PAM: variants seen among roughly 807,000 people sequenced by gnomAD.
The protein encoded by PAM is peptidylglycine alpha-amidating monooxygenase.
Under a neutral mutation model 122.1 loss-of-function variants are expected in PAM, and 72 were observed. That is an observed-to-expected ratio of 0.59 (90% CI 0.49 to 0.72). PAM has a LOEUF of 0.72. PAM is among the 30% of genes least tolerant of loss of function. The pLI, the probability that PAM is intolerant of heterozygous loss-of-function variation, is 0.00. For missense variants in PAM, 1,106 were observed against 1,183.7 expected, an observed-to-expected ratio of 0.93 and a Z score of 0.96; for synonymous variants, 389 against 404.4, an observed-to-expected ratio of 0.96 and a Z score of 0.46.
At chr5:102,778,686 G>C (rs1353739038) in intron 1 of PAM, among the ~76,000 whole-genome samples, 1 of 152,134 alleles carries the variant, frequency 6.6e-6, no homozygotes, top group Non-Finnish European at 1.5e-5. Flanking sequence ...TCTGAAATGA[G>C]TCATTTTTAT....
At position 102,923,774 on chromosome 5, in the gene PAM, C is replaced by T. The variant is rs539298914; in HGVS notation, c.357-1183C>T. On this transcript the variant is annotated intron_variant, in intron 5 of 25. Transcript: ENST00000438793. The stretch of plus-strand genomic sequence containing the variant: ...CTGGGCCTTTGAGGGCTTATAAACA[C>T]GCCCAAGATACAGAGCTGCTAAGGG... 7.9e-5 allele frequency among the ~76,000 whole-genome samples: 12 copies of T among 152,236 alleles called. No individual in the cohort carries two copies. In the South Asian group the frequency reaches 2.1e-3, roughly 26 times the overall value.
At chr5:102,956,432 T>C (rs2150161719) in intron 12 of PAM, among the ~76,000 whole-genome samples, 1 of 152,282 alleles carries the variant, frequency 6.6e-6, no homozygotes, top group South Asian at 2.1e-4. Flanking sequence ...TGTTTTTATT[T>C]TTATTTTCTC....
At chr5:102,860,917 G>A (rs1191660524) in intron 1 of PAM, among the ~76,000 whole-genome samples, 3 of 152,072 alleles carry the variant, frequency 2.0e-5, no homozygotes, top group Non-Finnish European at 2.9e-5. Flanking sequence ...TGCCCTGGGT[G>A]GTCTTCTCCT....
rs75978220 is a variant in PAM, at chr5:102,781,522, A to C, written c.-374+26174A>C. Reference sequence around the variant, plus strand: ...AATGCTAAAGTGCAGTTCACAGTTTAGTTGTGAATCAGGACTTTAATGCAT... The same window carrying C: ...AATGCTAAAGTGCAGTTCACAGTTTCGTTGTGAATCAGGACTTTAATGCAT... On this transcript the variant is annotated intron_variant, in intron 1 of 25. Coordinates refer to ENST00000438793, the MANE Select transcript of PAM (RefSeq NM_001177306.2). Among the ~76,000 whole-genome samples, 1,512 of 152,336 alleles carry C rather than the reference A, an allele frequency of 9.9e-3. 42 individuals carry two copies. Among genetic ancestry groups the C allele is most frequent in the South Asian group, 0.092 (446 of 4,826 alleles).
chr5:103,030,403 C>G (rs781068025), downstream of PAM: 1 of 152,196 alleles, frequency 6.6e-6, no homozygotes, highest in Non-Finnish European at 1.5e-5. Flanking sequence ...TGATAGGAAT[C>G]TAAAACTCTT....
chr5:102,941,039 G>T (rs948342388), intron 7 of PAM, among the ~76,000 whole-genome samples: 2 of 152,142 alleles, frequency 1.3e-5, no homozygotes, highest in African/African-American at 4.8e-5. Context: ...TCTGGAGCAG[G>T]TTCATAATTT....
chr5:102,974,594 T>C, intron 15 of PAM, 158 bp downstream of exon 15: 1 of 532,232 alleles, frequency 1.9e-6, no homozygotes, highest in Non-Finnish European at 3.3e-6. Flanking sequence ...TCAGATAACA[T>C]CTTTGAAGAT....
chr5:102,866,652 A>G (rs1044253760), intron 2 of PAM: 2 of 204,574 alleles, frequency 9.8e-6, no homozygotes. Flanking sequence ...CATAGACTGT[A>G]ATAGCTCACA....
At position 102,913,952 on chromosome 5, in the gene PAM, C is replaced by G. The variant is rs780661071; in HGVS notation, c.287C>G (p.Ala96Gly). The change falls in exon 5 of 26, where the codon GCC becomes GGC. Residue 96 changes from alanine to glycine, a missense_variant. Around this residue, in one of 3 missense-constraint regions of PAM, gnomAD observed 670 missense variants for 690.3 expected, o/e 0.97. Coordinates refer to ENST00000438793, the MANE Select transcript of PAM (RefSeq NM_001177306.2). The stretch of plus-strand genomic sequence containing the variant: ...GTAACAGTTGACTTCAAGCCTCGAG[C>G]CAGCATGGATACTGTCCATCACATG... ...EAFVIDFKPR[A>G]SMDTVHHMLL... 1.2e-6 allele frequency: 2 copies of G among 1,603,944 alleles called. No homozygotes were observed. The highest frequency in any genetic ancestry group is 8.5e-7 in the Non-Finnish European group (1 of 1,171,080).
At chr5:103,001,476 G>T (rs1485659374) in intron 16 of PAM, among the ~76,000 whole-genome samples, 1 of 151,884 alleles carries the variant, frequency 6.6e-6, no homozygotes, top group African/African-American at 2.4e-5. Flanking sequence ...TTTTTTTCTA[G>T]ATACCACTGT....
At chr5:102,995,245 A>G (rs1456156024) in intron 16 of PAM, among the ~76,000 whole-genome samples, 1 of 152,130 alleles carries the variant, frequency 6.6e-6, no homozygotes, top group Non-Finnish European at 1.5e-5. Context: ...GGAAAACTAT[A>G]AGGGGTTCTA....
rs1255863419 is a variant in PAM, at chr5:102,887,928, A to C, written c.211-13428A>C. Among the ~76,000 whole-genome samples, 3 of 151,844 alleles carry C rather than the reference A, an allele frequency of 2.0e-5. No individual in the cohort carries two copies. The East Asian group carries it at 5.9e-4, about 30-fold the overall frequency. On this transcript the variant is annotated intron_variant, in intron 3 of 25. Coordinates refer to ENST00000438793, the MANE Select transcript of PAM (RefSeq NM_001177306.2). Reference sequence around the variant, plus strand: ...TTCCTGACCACCTCCAATTCCCCCTATTCCTCCTGTTCCCCGCATCCTCCA... The same window carrying C: ...TTCCTGACCACCTCCAATTCCCCCTCTTCCTCCTGTTCCCCGCATCCTCCA...
chr5:102,755,125 C>A (rs930208079), upstream of PAM: 1 of 152,356 alleles, frequency 6.6e-6, no homozygotes, highest in Non-Finnish European at 1.5e-5. Flanking sequence ...GCCCGGGAGC[C>A]GCCCCCGGGG....
At chr5:102,790,899 A>T (rs896118239) in intron 1 of PAM, among the ~76,000 whole-genome samples, 3 of 152,112 alleles carry the variant, frequency 2.0e-5, no homozygotes, top group African/African-American at 7.2e-5. Context: ...CCCAGAGATA[A>T]GCACTGATAT....
intron 1 of PAM, among the ~76,000 whole-genome samples, chr5:102,842,732 AAAC>A (rs1244902799): frequency 2.0e-5 from 3 of 152,242 alleles, no homozygotes; most frequent in African/African-American, 7.2e-5. Flanking sequence ...TTGAAGCCTG[AAAC>A]AACAACAGTG....
At chr5:102,822,207 A>G (rs1394516725) in intron 1 of PAM, among the ~76,000 whole-genome samples, 39 of 152,228 alleles carry the variant, frequency 2.6e-4, no homozygotes, top group Non-Finnish European at 1.2e-4. Context: ...GTACATTTGT[A>G]TGATTATCAT....
At chr5:102,790,198 A>C (rs898873937) in intron 1 of PAM, among the ~76,000 whole-genome samples, 1 of 152,114 alleles carries the variant, frequency 6.6e-6, no homozygotes, top group African/African-American at 2.4e-5. Context: ...GATAGAAAAC[A>C]CAGCATTTAA....
chr5:102,774,968 C>T (rs1218375961), intron 1 of PAM, among the ~76,000 whole-genome samples: 3 of 151,798 alleles, frequency 2.0e-5, no homozygotes, highest in Non-Finnish European at 4.4e-5. Context: ...GCTGTGAGGT[C>T]AGATAATAGT....
chr5:103,002,703 C>T (rs1266529280), intron 16 of PAM, among the ~76,000 whole-genome samples: 1 of 152,056 alleles, frequency 6.6e-6, no homozygotes, highest in African/African-American at 2.4e-5. Flanking sequence ...TTTTCAGGTA[C>T]ATTAAGAGTT....
Sources: allele counts gnomAD v4.1 joint callset (sites outside exome capture counted in the v4.1 genomes callset), GRCh38; gene constraint gnomAD v4.1.1; regional missense constraint gnomAD v4.1.1; transcripts MANE v1.5; gene names NCBI Gene and HGNC (gene_info 2026-07-23, HGNC 2026-07-21).